Variants in FHIT observed in about 807,000 individuals in gnomAD.
The protein encoded by FHIT is fragile histidine triad diadenosine triphosphatase, also known as bis(5'-adenosyl)-triphosphatase.
In FHIT, 19 loss-of-function variants were observed where a neutral mutation model predicts 17.9. The observed-to-expected ratio is 1.06, with a 90% CI of 0.74 to 1.56. The LOEUF is 1.56. Among genes scored for constraint, FHIT ranks in the 40% most tolerant of loss-of-function variants. The pLI is 0.00. For missense variants in FHIT, 248 were observed against 189.2 expected (o/e 1.31, Z -1.82); for synonymous variants, 81 against 69.7 (o/e 1.16, Z -0.81).
chr3:60,569,755 A>ATATATGTATATATTTTT, intron 4 of FHIT, among the ~76,000 whole-genome samples: 1 of 77,340 alleles, frequency 1.3e-5, no homozygotes, highest in South Asian at 5.7e-4. Flanking sequence ...ATATATATAT[A>ATATATGTATATATTTTT]TTTTTTTTTT....
intron 2 of FHIT, among the ~76,000 whole-genome samples, chr3:61,174,081 C>A (rs2038088107): frequency 6.6e-6 from 1 of 152,196 alleles, no homozygotes. Flanking sequence ...ACTACTAAAG[C>A]CTGGCTGCAG....
intron 3 of FHIT, among the ~76,000 whole-genome samples, chr3:60,912,161 G>C (rs1706779800): frequency 6.6e-6 from 1 of 152,012 alleles, no homozygotes; most frequent in East Asian, 1.9e-4. Context: ...ACTACTACTA[G>C]AATAAGAATA....
intron 3 of FHIT, among the ~76,000 whole-genome samples, chr3:60,962,965 C>T (rs768569961): frequency 1.2e-4 from 19 of 152,168 alleles, no homozygotes; most frequent in Non-Finnish European, 2.2e-4. Flanking sequence ...GGGAGGATTT[C>T]CTCTTTTTCT....
At chr3:60,164,156 A>G (rs1287767164) in intron 5 of FHIT, among the ~76,000 whole-genome samples, 1 of 152,200 alleles carries the variant, frequency 6.6e-6, no homozygotes, top group Non-Finnish European at 1.5e-5. Flanking sequence ...TTGAATAAAA[A>G]ATAATGCCAG....
At chr3:59,796,857 C>A (rs1039448800) in intron 8 of FHIT, among the ~76,000 whole-genome samples, 3 of 151,976 alleles carry the variant, frequency 2.0e-5, no homozygotes, top group Non-Finnish European at 4.4e-5. Flanking sequence ...CTATCTGTGC[C>A]AAAAATAAAG....
At chr3:59,866,266 G>A (rs1004732116) in intron 8 of FHIT, among the ~76,000 whole-genome samples, 17 of 151,520 alleles carry the variant, frequency 1.1e-4, no homozygotes, top group Non-Finnish European at 1.2e-4. Flanking sequence ...ACCATTCCAC[G>A]CAGAGGAAGT....
chr3:60,028,383 C>G (rs375781518), intron 5 of FHIT, among the ~76,000 whole-genome samples: 23 of 152,186 alleles, frequency 1.5e-4, no homozygotes, highest in East Asian at 9.6e-4. Flanking sequence ...ACTACTAGCT[C>G]TTCAATTCAC....
chr3:60,396,227 C>T (rs1205352587), intron 5 of FHIT, among the ~76,000 whole-genome samples: 6 of 152,126 alleles, frequency 3.9e-5, no homozygotes, highest in African/African-American at 9.7e-5. Flanking sequence ...AAATAAAGAA[C>T]GGATTATGTT....
At chr3:60,055,919 G>C (rs113749573) in intron 5 of FHIT, among the ~76,000 whole-genome samples, 3,500 of 152,264 alleles carry the variant, frequency 0.023, 53 homozygotes, top group Non-Finnish European at 0.033. Context: ...AAACATTCCT[G>C]TCAGCTGGCC....
At chr3:60,027,872 T>C (rs1700819735) in intron 5 of FHIT, among the ~76,000 whole-genome samples, 1 of 152,186 alleles carries the variant, frequency 6.6e-6, no homozygotes, top group South Asian at 2.1e-4. Flanking sequence ...CCTATACTGT[T>C]CAATATAGTA....
chr3:61,216,228 G>T (rs1016330608), intron 1 of FHIT, among the ~76,000 whole-genome samples: 47 of 152,218 alleles, frequency 3.1e-4, no homozygotes, highest in Admixed American at 2.7e-3. Flanking sequence ...CGGAGAAAAT[G>T]TTTGCAACCT....
intron 5 of FHIT, among the ~76,000 whole-genome samples, chr3:60,214,323 C>A (rs921637373): frequency 6.6e-6 from 1 of 152,052 alleles, no homozygotes; most frequent in Admixed American, 6.5e-5. Flanking sequence ...CACAGCTATC[C>A]TTTTACTTCA....
intron 5 of FHIT, among the ~76,000 whole-genome samples, chr3:60,125,788 T>C (rs1339962011): frequency 6.6e-6 from 1 of 152,094 alleles, no homozygotes; most frequent in Non-Finnish European, 1.5e-5. Context: ...TTATTCATTG[T>C]TCCTTCTGGT....
intron 4 of FHIT, among the ~76,000 whole-genome samples, chr3:60,746,207 T>A (rs782116346): frequency 2.0e-4 from 30 of 152,192 alleles, no homozygotes; most frequent in Middle Eastern, 3.4e-3. Flanking sequence ...CACAGGAGAG[T>A]AAGCAGCAAA....
chr3:60,144,288 T>C (rs1479120050), intron 5 of FHIT, among the ~76,000 whole-genome samples: 1 of 152,208 alleles, frequency 6.6e-6, no homozygotes, highest in Non-Finnish European at 1.5e-5. Context: ...CTGAATCCCA[T>C]TGATATGGAT....
intron 5 of FHIT, among the ~76,000 whole-genome samples, chr3:60,321,062 G>A (rs1013985846): frequency 2.0e-5 from 3 of 152,166 alleles, no homozygotes; most frequent in Non-Finnish European, 2.9e-5. Context: ...CACAGATACC[G>A]AAAACATGCT....
intron 5 of FHIT, among the ~76,000 whole-genome samples, chr3:60,488,908 T>C (rs1169978898): frequency 1.3e-5 from 2 of 152,212 alleles, no homozygotes; most frequent in African/African-American, 4.8e-5. Context: ...ATAATTTCAA[T>C]GACTGCAAAT....
At chr3:60,237,634 C>T (rs541652854) in intron 5 of FHIT, among the ~76,000 whole-genome samples, 21 of 152,214 alleles carry the variant, frequency 1.4e-4, no homozygotes, top group African/African-American at 5.1e-4. Flanking sequence ...TACTTGATTC[C>T]ACAAAGCGCT....
chr3:60,963,552 C>G (rs1448779389), intron 3 of FHIT, among the ~76,000 whole-genome samples: 4 of 152,262 alleles, frequency 2.6e-5, no homozygotes, highest in East Asian at 1.9e-4. Flanking sequence ...TTCCTGCTTT[C>G]TCCTGTGGGC....
Sources: allele counts gnomAD v4.1 joint callset (sites outside exome capture counted in the v4.1 genomes callset), GRCh38; gene constraint gnomAD v4.1.1; transcripts MANE v1.5; gene names NCBI Gene and HGNC (gene_info 2026-07-23, HGNC 2026-07-21).